Variants in PKHD1 observed in about 807,000 individuals in gnomAD.
The protein encoded by PKHD1 is fibrocystin.
A neutral mutation model predicts 412.0 loss-of-function variants in PKHD1; 291 were observed. That is an observed-to-expected ratio of 0.71 (90% CI 0.64 to 0.78). The LOEUF (loss-of-function observed/expected upper bound fraction) is 0.78, where lower values mean the gene tolerates loss of function less well. Among genes scored for constraint, PKHD1 ranks in the 30% least tolerant of loss-of-function variants. PKHD1 has a pLI of 0.00. For synonymous variants in PKHD1, 1,777 were observed against 1,821.5 expected (o/e 0.98, Z 0.62); for missense variants, 4,825 against 4,950.7 (o/e 0.97, Z 0.76).
chr6:51,745,919 G>C (rs546920198), intron 59 of PKHD1, among the ~76,000 whole-genome samples: 1 of 152,054 alleles, frequency 6.6e-6, no homozygotes, highest in Non-Finnish European at 1.5e-5. Context: ...TCATGATTCA[G>C]GGATAGGCAT....
intron 36 of PKHD1, among the ~76,000 whole-genome samples, chr6:51,948,775 A>G (rs1052020890): frequency 1.3e-5 from 2 of 152,220 alleles, no homozygotes; most frequent in Admixed American, 1.3e-4. Context: ...GTCAACCATC[A>G]ACATTTAAAG....
intron 36 of PKHD1, among the ~76,000 whole-genome samples, chr6:51,958,652 T>C (rs1278856470): frequency 6.6e-6 from 1 of 152,120 alleles, no homozygotes; most frequent in Non-Finnish European, 1.5e-5. Context: ...GGGGAGCCCA[T>C]ACTCCTGCAG....
At chr6:51,857,791 G>A (rs1355496739) in intron 48 of PKHD1, among the ~76,000 whole-genome samples, 1 of 152,094 alleles carries the variant, frequency 6.6e-6, no homozygotes, top group Non-Finnish European at 1.5e-5. Context: ...CATTGACCCT[G>A]GCAATGTAGC....
Position 52,056,976 on chromosome 6 carries a change from G to C in PKHD1, c.1516C>G (p.Leu506Val). The change falls in exon 17 of 67, where the codon CTG becomes GTG. Residue 506 changes from leucine to valine, a missense_variant. Transcript: ENST00000371117. Reference protein sequence around the residue: ...RAQRLPEVQVLNVSGRGNFFL... With the variant: ...RAQRLPEVQVVNVSGRGNFFL... ...AAGTTTCCTCTGCCTGATACATTCA[G>C]CACCTAAAAAAGTCAAGACAGACAA... The C allele has an allele frequency of 6.2e-7, 1 of 1,610,944 alleles. No individual in the cohort carries two copies.
intron 29 of PKHD1, among the ~76,000 whole-genome samples, chr6:52,031,982 A>G (rs968824606): frequency 3.3e-5 from 5 of 152,204 alleles, no homozygotes; most frequent in African/African-American, 9.7e-5. Flanking sequence ...AAATTTTATT[A>G]AAAGCCAAAA....
chr6:51,676,785 T>G (rs1240045359), intron 60 of PKHD1, among the ~76,000 whole-genome samples: 1 of 152,156 alleles, frequency 6.6e-6, no homozygotes, highest in Non-Finnish European at 1.5e-5. Flanking sequence ...TCCAAAGAAT[T>G]ATTAAAGAAA....
intron 49 of PKHD1, among the ~76,000 whole-genome samples, chr6:51,851,059 AG>A (rs1772138759): frequency 6.6e-6 from 1 of 152,172 alleles, no homozygotes. Flanking sequence ...TATTATTTTG[AG>A]ATATGTTCCA....
At chr6:51,913,376 A>G (rs1783273481) in intron 37 of PKHD1, among the ~76,000 whole-genome samples, 1 of 152,098 alleles carries the variant, frequency 6.6e-6, no homozygotes, top group South Asian at 2.1e-4. Flanking sequence ...ATTACACTCC[A>G]GCATACCCGC....
At chr6:51,739,901 G>A (rs1268508978) in intron 60 of PKHD1, 2 of 497,706 alleles carry the variant, frequency 4.0e-6, no homozygotes, top group African/African-American at 3.9e-5. Context: ...GGGGTGTGAG[G>A]TTATGCCATC....
chr6:51,860,963 C>G (rs1270629713), intron 48 of PKHD1, among the ~76,000 whole-genome samples: 1 of 152,018 alleles, frequency 6.6e-6, no homozygotes, highest in East Asian at 1.9e-4. Flanking sequence ...AGGCACCCAC[C>G]ACCACACCCA....
intron 52 of PKHD1, among the ~76,000 whole-genome samples, chr6:51,823,251 G>T (rs902560231): frequency 1.3e-5 from 2 of 152,106 alleles, no homozygotes; most frequent in Non-Finnish European, 2.9e-5. Context: ...CATAAAAGTA[G>T]TTATTCTCTA....
chr6:51,628,447 T>TA (rs1767545887), intron 65 of PKHD1, among the ~76,000 whole-genome samples: 2 of 152,220 alleles, frequency 1.3e-5, no homozygotes, highest in African/African-American at 4.8e-5. Context: ...ATGGTATATA[T>TA]GTATCACATT....
intron 50 of PKHD1, among the ~76,000 whole-genome samples, chr6:51,841,395 T>TCTCTCCTCTC (rs533673582): frequency 1.3e-5 from 2 of 151,784 alleles, no homozygotes; most frequent in African/African-American, 2.4e-5. Context: ...CCTCTCCTCT[T>TCTCTCCTCTC]CTCTCCTCTC....
chr6:51,747,833 G>C lies in PKHD1; in HGVS notation c.9783C>G (p.His3261Gln). 1 of 1,613,746 alleles carries C rather than the reference G, an allele frequency of 6.2e-7. No individual in the cohort carries two copies. Among genetic ancestry groups the C allele is most frequent in the Admixed American group, 1.7e-5 (1 of 59,964 alleles). ...AAATTGAATGATCATTCCTCACTTTGTGCCATGGCTCCTGAGGCCACTGAT... is the reference window on the plus strand; with the variant it reads ...AAATTGAATGATCATTCCTCACTTTCTGCCATGGCTCCTGAGGCCACTGAT... ...EPNQWPQEPW[H>Q]KVRNDHSISG... is the part of the protein sequence containing the mutation. The change falls in exon 58 of 67, where the codon CAC becomes CAG. Residue 3261 changes from histidine to glutamine, a missense_variant. His to Gln is a conservative substitution (Grantham distance 24, BLOSUM62 0). Coordinates refer to ENST00000371117, the MANE Select transcript of PKHD1 (RefSeq NM_138694.4).
intron 52 of PKHD1, among the ~76,000 whole-genome samples, chr6:51,799,443 T>C (rs1762577096): frequency 6.6e-6 from 1 of 152,186 alleles, no homozygotes; most frequent in South Asian, 2.1e-4. Context: ...AAATAAATAA[T>C]GTGATATACT....
chr6:51,734,612 G>C (rs947884939), intron 60 of PKHD1, among the ~76,000 whole-genome samples: 2 of 151,986 alleles, frequency 1.3e-5, no homozygotes, highest in African/African-American at 4.8e-5. Context: ...GGGTGAAGGA[G>C]AGTCACAAAG....
intron 52 of PKHD1, among the ~76,000 whole-genome samples, chr6:51,819,877 T>C (rs1458992864): frequency 6.6e-6 from 1 of 152,222 alleles, no homozygotes; most frequent in Admixed American, 6.5e-5. Flanking sequence ...CCTATGTATA[T>C]ACTCTTAATG....
At position 51,772,714 on chromosome 6, in the gene PKHD1, G is replaced by T; in HGVS notation, c.8630C>A (p.Ser2877Ter). 1 of 1,571,152 alleles carries T rather than the reference G, an allele frequency of 6.4e-7. No individual in the cohort carries two copies. Among genetic ancestry groups the T allele is most frequent in the Non-Finnish European group, 8.8e-7 (1 of 1,142,696 alleles). ...SWTHLGADIA[S>*]GNERIIVEDA... ...TCTCATTCCTTACCTCTCATTTCCT[G>T]AGGCAATATCAGCTCCAAGATGTGT... The change falls in exon 55 of 67, where the codon TCA becomes TAA. Residue 2877 changes from serine to a stop codon, truncating the protein, a stop_gained. Coordinates refer to ENST00000371117, the MANE Select transcript of PKHD1 (RefSeq NM_138694.4). LOFTEE classifies it high-confidence loss of function.
At chr6:51,960,852 C>T (rs1272857153) in intron 35 of PKHD1, among the ~76,000 whole-genome samples, 1 of 152,124 alleles carries the variant, frequency 6.6e-6, no homozygotes, top group Admixed American at 6.6e-5. Context: ...TGTGGTCACT[C>T]TGATGTCATA....
Sources: gnomAD v4.1 joint callset for allele counts (sites outside exome capture counted in the v4.1 genomes callset) on GRCh38, gnomAD v4.1.1 for gene constraint, MANE v1.5 for transcripts, NCBI Gene and HGNC (gene_info 2026-07-23, HGNC 2026-07-21) for gene names.